The following PMEL variants were observed in gnomAD, a reference collection of about 807,000 sequenced individuals.
The protein encoded by PMEL is premelanosome protein.
Under a neutral mutation model 64.9 loss-of-function variants are expected in PMEL, and 53 were observed. The ratio of observed to expected loss-of-function variants is 0.82; its 90% CI spans 0.66 to 1.03. The LOEUF is 1.03. Ranked by LOEUF, PMEL falls within the 50% of genes least tolerant of loss-of-function variation. The probability of loss-of-function intolerance (pLI) is 0.00; values close to 1 mark genes in which losing one functional copy is unlikely to be tolerated. For synonymous variants in PMEL, 299 were observed against 316.2 expected (o/e 0.95, Z 0.58); for missense variants, 716 against 814.9 (o/e 0.88, Z 1.48).
At chr12:55,964,667 C>T (rs532430895) in intron 1 of PMEL, among the ~76,000 whole-genome samples, 1 of 152,010 alleles carries the variant, frequency 6.6e-6, no homozygotes, top group East Asian at 1.9e-4. Flanking sequence ...TTGCTGTTGC[C>T]CAGGCTGGAA....
In PMEL at chr12:55,958,594, C is replaced by G. The variant is rs377391935; in HGVS notation, c.348G>C (p.Trp116Cys). The G allele has an allele frequency of 6.2e-7, 1 of 1,613,902 alleles. No individual in the cohort carries two copies. The highest frequency in any genetic ancestry group is 8.5e-7 in the Non-Finnish European group (1 of 1,179,918). ...NNTIINGSQV[W>C]GGQPVYPQET... ...CCTGGGGATACACTGGCTGTCCTCCCCACACCTGGCTCCCTGAAAGATAAA... is the reference window on the plus strand; with the variant it reads ...CCTGGGGATACACTGGCTGTCCTCCGCACACCTGGCTCCCTGAAAGATAAA... The change falls in exon 4 of 11, where the codon TGG becomes TGC. Residue 116 changes from tryptophan to cysteine, a missense_variant. By Grantham distance (215) the Trp-to-Cys change is radical (BLOSUM62 -2). Coordinates refer to ENST00000548747, the MANE Select transcript of PMEL (RefSeq NM_001384361.1).
rs768835452 is a variant in PMEL at position 55,961,311 on chromosome 12, A to C, written c.334+6T>G. On this transcript the variant is annotated splice_donor_region_variant and intron_variant, in intron 3 of 10. Transcript: ENST00000548747. ...GAATAAGGACCTAGAATAGAGAAGT[A>C]CTCACCATTGATGATGGTATTGTTG... The C allele has an allele frequency of 1.9e-6, 3 of 1,612,964 alleles. No homozygotes were observed. The highest frequency in any genetic ancestry group is 2.5e-6 in the Non-Finnish European group (3 of 1,178,996).
At position 55,955,512 on chromosome 12, in the gene PMEL, C is replaced by A; in HGVS notation, c.1714G>T (p.Ala572Ser). 1.2e-6 allele frequency: 2 copies of A among 1,614,144 alleles called. No homozygotes were observed. Among genetic ancestry groups the A allele is most frequent in the East Asian group, 2.2e-5 (1 of 44,878 alleles). ...SGTYCLNVSL[A>S]DTNSLAVVST... The stretch of plus-strand genomic sequence containing the variant: ...ACCACTGCCAGGCTGTTGGTATCAG[C>A]CAGAGACACATTGAGGCAGTATGTC... The change falls in exon 9 of 11, where the codon GCT becomes TCT. Residue 572 changes from alanine to serine, a missense_variant. Ala to Ser is a moderately conservative substitution (Grantham distance 99). Transcript: ENST00000548747.
At position 55,955,265 on chromosome 12, in the gene PMEL, G is replaced by C. The variant is rs373256791; in HGVS notation, c.1850+9C>G. 31 of 1,582,040 alleles carry C rather than the reference G, an allele frequency of 2.0e-5. 1 individual carries two copies. The highest frequency in any genetic ancestry group is 2.5e-5 in the Non-Finnish European group (29 of 1,153,270). ...TAAGGGGGTCTGAGCTGTGTGATGAGGCCCTTACCTATATATCAGAGATGC... is the reference window on the plus strand; with the variant it reads ...TAAGGGGGTCTGAGCTGTGTGATGACGCCCTTACCTATATATCAGAGATGC... On this transcript the variant is annotated intron_variant, in intron 10 of 10. Transcript: ENST00000548747.
chr12:55,966,225 C>G (rs1889294498), upstream of PMEL: 1 of 691,802 alleles, frequency 1.4e-6, no homozygotes, highest in Non-Finnish European at 2.4e-6. Context: ...TCTGGTTTCA[C>G]TGGGTCACTC....
rs756259442 is a variant in PMEL, at chr12:55,957,657, A to G, written c.646T>C (p.Ser216Pro). 5 of 1,611,422 alleles carry G rather than the reference A, an allele frequency of 3.1e-6. No homozygotes were observed. In the South Asian group the frequency reaches 5.5e-5, roughly 18 times the overall value. ...GCCCGCAACTGGGACACGCTCACGG[A>G]GAAAGGCACCTGGTCTGGGATTGGA... ...AFTITDQVPF[S>P]VSVSQLRALD... The change falls in exon 6 of 11, where the codon TCC becomes CCC. Residue 216 changes from serine to proline, a missense_variant. Physicochemically the swap from Ser to Pro is moderately conservative, Grantham distance 74. Coordinates refer to ENST00000548747, the MANE Select transcript of PMEL (RefSeq NM_001384361.1).
At chr12:55,965,716 C>G (rs1889273233) in intron 1 of PMEL, among the ~76,000 whole-genome samples, 1 of 152,166 alleles carries the variant, frequency 6.6e-6, no homozygotes, top group South Asian at 2.1e-4. Context: ...CCACAGAGAC[C>G]TTCTATCCTT....
intron 1 of PMEL, among the ~76,000 whole-genome samples, chr12:55,963,247 C>T (rs1889173368): frequency 6.6e-6 from 1 of 152,070 alleles, no homozygotes; most frequent in South Asian, 2.1e-4. Flanking sequence ...GGATTAGAGG[C>T]TGGCAGAGAT....
upstream of PMEL, chr12:55,966,284 AAC>A (rs1261671337): frequency 7.5e-6 from 4 of 531,780 alleles, no homozygotes; most frequent in East Asian, 1.3e-4. Context: ...GCAGCTGCGT[AAC>A]ACATACCAGA....
rs762817824 is a variant in PMEL at position 55,965,986 on chromosome 12, AG to A, written c.25del (p.Leu9PhefsTer6). ...AGCACCTATCACAGCCAAATGAAGA[AG>A]GCATCTTTTTAGCACCAGATCCATT... MDLVLKRC[L>X]LHLAVIGALL... On this transcript the variant is annotated frameshift_variant, in exon 1 of 11. Transcript: ENST00000548747. LOFTEE classifies it high-confidence loss of function. 6.2e-7 allele frequency: 1 copy of A among 1,614,216 alleles called. No individual in the cohort carries two copies. The highest frequency in any genetic ancestry group is 8.5e-7 in the Non-Finnish European group (1 of 1,180,024).
chr12:55,954,177 T>C lies in PMEL; in HGVS notation c.*37A>G, dbSNP rs1406032816. The C allele has an allele frequency of 6.4e-7, 1 of 1,569,622 alleles. No homozygotes were observed. The highest frequency in any genetic ancestry group is 8.6e-7 in the Non-Finnish European group (1 of 1,158,416). On this transcript the variant is annotated 3_prime_UTR_variant, in exon 11 of 11. Coordinates refer to ENST00000548747, the MANE Select transcript of PMEL (RefSeq NM_001384361.1). Reference sequence around the variant, plus strand: ...ACTGGGGGAAATATAGGTGTTTCTGTCAACTCCAGGAAAATCACAGCATCA... The same window carrying C: ...ACTGGGGGAAATATAGGTGTTTCTGCCAACTCCAGGAAAATCACAGCATCA...
chr12:55,965,896 C>G (rs763450515), intron 1 of PMEL, 40 bp downstream of exon 1: 57 of 1,613,104 alleles, frequency 3.5e-5, no homozygotes, highest in Non-Finnish European at 9.3e-6. Flanking sequence ...GAATTCATCC[C>G]CAAGTTCACA....
In PMEL at chr12:55,961,697, GC is replaced by G; in HGVS notation, c.111del (p.Arg37SerfsTer41). The part of the protein sequence containing the change: ...PRNQDWLGVS[R>X]QLRTKAWNRQ... ...CTGTTCCAGGCTTTGGTTCTGAGTTGCCTTGAGACACCAAGCCAGTCCTGGT... is the reference window on the plus strand; with the variant it reads ...CTGTTCCAGGCTTTGGTTCTGAGTTGCTTGAGACACCAAGCCAGTCCTGGT... On this transcript the variant is annotated frameshift_variant, in exon 2 of 11. Transcript: ENST00000548747. LOFTEE classifies it high-confidence loss of function. The G allele has an allele frequency of 6.2e-7, 1 of 1,614,054 alleles. No homozygotes were observed. The highest frequency in any genetic ancestry group is 8.5e-7 in the Non-Finnish European group (1 of 1,179,982).
chr12:55,963,078 A>T (rs1002884501), intron 1 of PMEL, among the ~76,000 whole-genome samples: 3 of 150,894 alleles, frequency 2.0e-5, no homozygotes, highest in African/African-American at 7.3e-5. Flanking sequence ...AATTGCTTGA[A>T]CCCAGGAGGC....
upstream of PMEL, chr12:55,966,119 G>A: frequency 3.2e-6 from 5 of 1,561,364 alleles, no homozygotes; most frequent in Non-Finnish European, 4.4e-6. Flanking sequence ...CTCAGAGAAG[G>A]CCTGGGAGGG....
Position 55,961,450 on chromosome 12 carries a change from G to A in PMEL, c.201C>T (p.Ser67=), listed in dbSNP as rs1889099381. 1.2e-6 allele frequency: 2 copies of A among 1,614,106 alleles called. No individual in the cohort carries two copies. The highest frequency in any genetic ancestry group is 1.3e-5 in the African/African-American group (1 of 75,042). Residue 67 remains serine (S), a synonymous_variant, in exon 3 of 11, where the codon TCC becomes TCT. Transcript: ENST00000548747. ...RLDCWRGGQV[S]LKVSNDGPTL... ...TAGGCCCATCATTACTGACCTTGAG[G>A]GACACTTGACCACCTGGGAAGGAAA...
In PMEL at chr12:55,958,527, G is replaced by GA. The variant is rs776391379; in HGVS notation, c.414_415insT (p.Pro139SerfsTer73). 1.2e-6 allele frequency: 2 copies of GA among 1,614,084 alleles called. No individual in the cohort carries two copies. Among genetic ancestry groups the GA allele is most frequent in the Non-Finnish European group, 1.7e-6 (2 of 1,179,992 alleles). ...CTCTTCTGAGACCAAGAGCCAGATG[G>GA]GCAAGGTCCACCATCAGGGAAGATG... On this transcript the variant is annotated frameshift_variant, in exon 4 of 11. Coordinates refer to ENST00000548747, the MANE Select transcript of PMEL (RefSeq NM_001384361.1). LOFTEE classifies it high-confidence loss of function.
chr12:55,955,221 G>T, intron 10 of PMEL, 53 bp downstream of exon 10: 1 of 1,272,856 alleles, frequency 7.9e-7, no homozygotes, highest in Non-Finnish European at 1.2e-6. Context: ...GAGGAAAAGT[G>T]AGTAGTGATA....
rs542975624 is a variant in PMEL, at chr12:55,957,500, G to A, written c.803C>T (p.Thr268Ile). Residue 268 changes from threonine (T) to isoleucine (I), a missense_variant, in exon 6 of 11, where the codon ACC becomes ATC. Coordinates refer to ENST00000548747, the MANE Select transcript of PMEL (RefSeq NM_001384361.1). ...YTWDFGDSSG[T>I]LISRALVVTH... ...GACCACAAGTGCCCGAGAGATCAGGGTTCCACTACTGTCTCCAAAGTCCCA... is the reference window on the plus strand; with the variant it reads ...GACCACAAGTGCCCGAGAGATCAGGATTCCACTACTGTCTCCAAAGTCCCA... 6.2e-7 allele frequency: 1 copy of A among 1,614,028 alleles called. No homozygotes were observed. Among genetic ancestry groups the A allele is most frequent in the South Asian group, 1.1e-5 (1 of 91,062 alleles).
Sources: allele counts gnomAD v4.1 joint callset (sites outside exome capture counted in the v4.1 genomes callset), GRCh38; gene constraint gnomAD v4.1.1; transcripts MANE v1.5; gene names NCBI Gene and HGNC (gene_info 2026-07-23, HGNC 2026-07-21).